Variants in ACAP2 observed in about 807,000 individuals in gnomAD.
The protein encoded by ACAP2 is ArfGAP with coiled-coil, ankyrin repeat and PH domains 2, also known as arf-GAP with coiled-coil, ANK repeat and PH domain-containing protein 2.
Under a neutral mutation model 115.8 loss-of-function variants are expected in ACAP2, and 39 were observed. The observed-to-expected ratio is 0.34, with a 90% CI of 0.26 to 0.44. ACAP2 has a LOEUF of 0.44. ACAP2 is among the 20% of genes least tolerant of loss of function. The pLI is 1.00. For missense variants in ACAP2, 662 were observed against 927.6 expected (o/e 0.71, Z 3.72); for synonymous variants, 289 against 315.8 (o/e 0.92, Z 0.90).
Position 195,279,221 on chromosome 3 carries a change from A to G in ACAP2, c.*107T>C, listed in dbSNP as rs957177962. 2.2e-5 allele frequency: 15 copies of G among 693,746 alleles called. No individual in the cohort carries two copies. Among genetic ancestry groups the G allele is most frequent in the Non-Finnish European group, 3.1e-5 (13 of 417,318 alleles). The allele number at this position is 693,746 out of a possible 1,614,324, so 43.0% of individuals were successfully genotyped here. On this transcript the variant is annotated 3_prime_UTR_variant, in exon 23 of 23. Transcript: ENST00000326793. The stretch of plus-strand genomic sequence containing the variant: ...GGGTACCTCTTTTCCAAGCCATTCA[A>G]TATCTACCAAAATTAAGTAGAATTA...
intron 14 of ACAP2, 86 bp from the exon 15 acceptor site, chr3:195,301,730 A>C: frequency 1.5e-6 from 2 of 1,323,720 alleles, no homozygotes; most frequent in South Asian, 1.3e-5. Context: ...CACAGGCTCT[A>C]ATAAAGCCCT....
In ACAP2 at chr3:195,425,767, CCA is replaced by C. The variant is rs534921596; in HGVS notation, c.53+17026_53+17027del. ...ATCTCCATCCACCCAGCTGCTAAAG[CCA>C]AAAATGCGATTTTTTTATTCTTCTA... On this transcript the variant is annotated intron_variant, in intron 1 of 22. Transcript: ENST00000326793. Among the ~76,000 whole-genome samples the C allele has an allele frequency of 1.4e-4, 21 of 152,208 alleles. No homozygotes were observed. In the South Asian group the frequency reaches 4.4e-3, roughly 32 times the overall value.
At chr3:195,297,503 T>A (rs1727732496) in intron 15 of ACAP2, among the ~76,000 whole-genome samples, 1 of 152,216 alleles carries the variant, frequency 6.6e-6, no homozygotes, top group African/African-American at 2.4e-5. Flanking sequence ...GCTAGAAGAT[T>A]ATCACCCCCA....
chr3:195,297,259 T>A lies in ACAP2; in HGVS notation c.1418A>T (p.Asp473Val). 1 of 1,612,884 alleles carries A rather than the reference T, an allele frequency of 6.2e-7. No homozygotes were observed. The change falls in exon 16 of 23, where the codon GAT becomes GTT. Residue 473 changes from aspartate (D) to valine (V), a missense_variant. Around this residue, in one of 3 missense-constraint regions of ACAP2, gnomAD observed 401 missense variants for 604.4 expected, o/e 0.66. Coordinates refer to ENST00000326793, the MANE Select transcript of ACAP2 (RefSeq NM_012287.6). ...LLKLMCELGNDVINRVYEANV... is the reference protein window; with the variant it reads ...LLKLMCELGNVVINRVYEANV... ...AGCTTCATAAACTCGATTTATAACA[T>A]CATTCCCCAACTCACACATAAGCTG...
chr3:195,363,021 T>C (rs763135209), intron 4 of ACAP2, among the ~76,000 whole-genome samples: 10 of 152,212 alleles, frequency 6.6e-5, no homozygotes, highest in Non-Finnish European at 1.3e-4. Context: ...CAAATTATCC[T>C]TGTTTGCAAA....
chr3:195,310,803 G>A (rs1728714028), intron 10 of ACAP2, among the ~76,000 whole-genome samples: 1 of 152,072 alleles, frequency 6.6e-6, no homozygotes, highest in Non-Finnish European at 1.5e-5. Flanking sequence ...GCTTCTGAAT[G>A]ACGTTTTCAT....
intron 21 of ACAP2, among the ~76,000 whole-genome samples, chr3:195,288,474 G>A (rs1726996336): frequency 1.3e-5 from 2 of 152,226 alleles, no homozygotes; most frequent in South Asian, 2.1e-4. Context: ...ACAGTTGGCC[G>A]CTGTCCTTCT....
intron 13 of ACAP2, among the ~76,000 whole-genome samples, chr3:195,303,693 C>T (rs913336776): frequency 6.6e-6 from 1 of 152,156 alleles, no homozygotes; most frequent in Non-Finnish European, 1.5e-5. Flanking sequence ...TGCTTGAGCC[C>T]AGGAGGTCAA....
chr3:195,337,865 A>G (rs2108639372), intron 6 of ACAP2, among the ~76,000 whole-genome samples: 2 of 152,094 alleles, frequency 1.3e-5, no homozygotes, highest in South Asian at 4.2e-4. Flanking sequence ...TCTTCGACCT[A>G]GTTTTCTATT....
At chr3:195,368,956 T>C (rs1291294518) in intron 4 of ACAP2, among the ~76,000 whole-genome samples, 1 of 152,038 alleles carries the variant, frequency 6.6e-6, no homozygotes, top group Non-Finnish European at 1.5e-5. Flanking sequence ...TGGCGGTGGG[T>C]GCCTGTAGTC....
chr3:195,332,555 A>C (rs1177239619), intron 8 of ACAP2, among the ~76,000 whole-genome samples: 2 of 148,490 alleles, frequency 1.3e-5, no homozygotes, highest in Non-Finnish European at 3.1e-5. Flanking sequence ...TTAAGTAAAT[A>C]AAACATCAAG....
chr3:195,436,761 C>A (rs6800221), intron 1 of ACAP2, among the ~76,000 whole-genome samples: 3 of 151,748 alleles, frequency 2.0e-5, no homozygotes, highest in Admixed American at 6.6e-5. Context: ...TTTGTCCTCC[C>A]GCACATCACA....
chr3:195,361,451 A>C (rs1732365291), intron 4 of ACAP2, among the ~76,000 whole-genome samples: 1 of 151,640 alleles, frequency 6.6e-6, no homozygotes, highest in Non-Finnish European at 1.5e-5. Flanking sequence ...AAAAAAGAAA[A>C]GAAACTAAAA....
chr3:195,319,146 G>A (rs1729281170), intron 10 of ACAP2, among the ~76,000 whole-genome samples: 1 of 152,214 alleles, frequency 6.6e-6, no homozygotes, highest in Non-Finnish European at 1.5e-5. Context: ...GCCTATAGAT[G>A]CATGGAAGAC....
intron 4 of ACAP2, among the ~76,000 whole-genome samples, chr3:195,350,957 A>C (rs1322183137): frequency 1.3e-5 from 2 of 152,144 alleles, no homozygotes; most frequent in Non-Finnish European, 1.5e-5. Context: ...CTAACAGAAC[A>C]CAAAAGAAAA....
At chr3:195,328,162 C>G (rs1729922958) in intron 8 of ACAP2, among the ~76,000 whole-genome samples, 1 of 151,982 alleles carries the variant, frequency 6.6e-6, no homozygotes, top group Non-Finnish European at 1.5e-5. Context: ...CTTTCCAACT[C>G]TGAACCTCCA....
intron 1 of ACAP2, among the ~76,000 whole-genome samples, chr3:195,435,894 A>G (rs866993675): frequency 1.5e-4 from 23 of 152,038 alleles, no homozygotes; most frequent in African/African-American, 4.6e-4. Context: ...CACATCTTCT[A>G]TTTCCTTATT....
At chr3:195,385,301 C>G (rs1340224485) in intron 2 of ACAP2, among the ~76,000 whole-genome samples, 2 of 147,996 alleles carry the variant, frequency 1.4e-5, no homozygotes, top group African/African-American at 5.0e-5. Context: ...GGTAATTATT[C>G]AATAGAGATT....
chr3:195,315,765 T>C (rs765407074), intron 10 of ACAP2, among the ~76,000 whole-genome samples: 3 of 152,220 alleles, frequency 2.0e-5, no homozygotes, highest in Non-Finnish European at 4.4e-5. Context: ...AAAGGCATTG[T>C]TTTTTTCACT....
Sources: allele counts gnomAD v4.1 joint callset (sites outside exome capture counted in the v4.1 genomes callset), GRCh38; gene constraint gnomAD v4.1.1; regional missense constraint gnomAD v4.1.1; transcripts MANE v1.5; gene names NCBI Gene and HGNC (gene_info 2026-07-23, HGNC 2026-07-21).